Variants in CCDC126 observed in about 807,000 individuals in gnomAD.
CCDC126 encodes coiled-coil domain containing 126.
Under a neutral mutation model 11.7 loss-of-function variants are expected in CCDC126, and 5 were observed. The ratio of observed to expected loss-of-function variants is 0.43; its 90% CI spans 0.22 to 0.90. The LOEUF is 0.90. Ranked by LOEUF, CCDC126 falls within the 40% of genes least tolerant of loss-of-function variation. The pLI is 0.27. For missense variants in CCDC126, 150 were observed against 163.1 expected (o/e 0.92, Z 0.44); for synonymous variants, 60 against 61.9 (o/e 0.97, Z 0.14).
intron 3 of CCDC126, among the ~76,000 whole-genome samples, chr7:23,613,551 A>T (rs1472794284): frequency 1.3e-5 from 2 of 152,166 alleles, no homozygotes; most frequent in Admixed American, 6.5e-5. Flanking sequence ...ACTTCTCATT[A>T]AGCAAGGTGA....
chr7:23,642,074 C>A (rs1283094804), intron 3 of CCDC126, among the ~76,000 whole-genome samples: 2 of 152,164 alleles, frequency 1.3e-5, no homozygotes, highest in African/African-American at 4.8e-5. Context: ...TGCAGTGGCG[C>A]TATCTCTGCT....
At chr7:23,613,849 C>T (rs1782755031) in intron 3 of CCDC126, among the ~76,000 whole-genome samples, 1 of 152,182 alleles carries the variant, frequency 6.6e-6, no homozygotes. Flanking sequence ...GTTAAGTTTA[C>T]ACTATACTGT....
At chr7:23,599,743 G>A (rs1782500045) in intron 2 of CCDC126, among the ~76,000 whole-genome samples, 1 of 151,970 alleles carries the variant, frequency 6.6e-6, no homozygotes, top group East Asian at 1.9e-4. Context: ...ATAGGTGTGA[G>A]CCCTGGAGCC....
intron 3 of CCDC126, among the ~76,000 whole-genome samples, chr7:23,627,559 CTCTG>C (rs1171345211): frequency 6.7e-6 from 1 of 149,552 alleles, no homozygotes; most frequent in Non-Finnish European, 1.5e-5. Context: ...GAGAGTGAGA[CTCTG>C]TCTCAGAAAA....
chr7:23,606,846 GGATCACGTGAGGCCAGGT>G (rs1782630881), intron 2 of CCDC126, among the ~76,000 whole-genome samples: 1 of 152,064 alleles, frequency 6.6e-6, no homozygotes, highest in South Asian at 2.1e-4. Flanking sequence ...TGAGGCAGGA[GGATCACGTGAGGCCAGGT>G]GATCACGTGA....
chr7:23,640,279 C>T (rs1020338461), intron 3 of CCDC126, among the ~76,000 whole-genome samples: 1 of 151,840 alleles, frequency 6.6e-6, no homozygotes, highest in African/African-American at 2.4e-5. Context: ...AGGCAGATCA[C>T]CTGAGATCGG....
At chr7:23,625,927 G>A (rs2128019229) in intron 3 of CCDC126, among the ~76,000 whole-genome samples, 1 of 151,872 alleles carries the variant, frequency 6.6e-6, no homozygotes, top group South Asian at 2.1e-4. Flanking sequence ...AAAGTGCTGG[G>A]GTTACAGGCT....
chr7:23,613,158 A>G (rs537101080), intron 3 of CCDC126, among the ~76,000 whole-genome samples: 8 of 152,262 alleles, frequency 5.3e-5, no homozygotes, highest in Non-Finnish European at 7.4e-5. Flanking sequence ...AGAAAATACA[A>G]AAGTTAGTGG....
Position 23,644,442 on chromosome 7 carries a change from A to C in CCDC126, c.*1327A>C, listed in dbSNP as rs953076528. 5.2e-5 allele frequency: 8 copies of C among 152,522 alleles called. No individual in the cohort carries two copies. Among genetic ancestry groups the C allele is most frequent in the African/African-American group, 1.9e-4 (8 of 41,458 alleles). The allele number at this position is 152,522 out of a possible 1,614,324, so 9.4% of individuals were successfully genotyped here. A position where few individuals can be genotyped will look rare whatever the true frequency, so the allele number is the denominator to read the frequency against. On this transcript the variant is annotated 3_prime_UTR_variant, in exon 4 of 4. Coordinates refer to ENST00000307471, the MANE Select transcript of CCDC126 (RefSeq NM_138771.4). ...AGACTATATAGAATTTAGATATTGT[A>C]TTGTTCGTCATTATAATATGCTACC...
rs201728451 is a variant in CCDC126, at chr7:23,643,809, TA to T, written c.*698del. 5.2e-3 allele frequency: 786 copies of T among 152,328 alleles called. 13 individuals carry two copies. The highest frequency in any genetic ancestry group is 0.018 in the African/African-American group (739 of 41,568). The allele number at this position is 152,328 out of a possible 1,614,324, so 9.4% of individuals were successfully genotyped here. A position where few individuals can be genotyped will look rare whatever the true frequency, so the allele number is the denominator to read the frequency against. ...CATTGGGGCAATTTAATAACAGCAT[TA>T]AAATAGTTGTAAACTCTAATCTTAT... On this transcript the variant is annotated 3_prime_UTR_variant, in exon 4 of 4. Transcript: ENST00000307471.
chr7:23,621,134 A>G (rs1782888736), intron 3 of CCDC126, among the ~76,000 whole-genome samples: 1 of 152,202 alleles, frequency 6.6e-6, no homozygotes, highest in South Asian at 2.1e-4. Context: ...TGGTAGCTTG[A>G]TGGGGATGGC....
intron 3 of CCDC126, among the ~76,000 whole-genome samples, chr7:23,613,907 TA>T (rs1782756173): frequency 6.6e-6 from 1 of 152,178 alleles, no homozygotes; most frequent in Non-Finnish European, 1.5e-5. Context: ...ACAATGTACA[TA>T]CCTTAATTGA....
intron 3 of CCDC126, among the ~76,000 whole-genome samples, chr7:23,638,863 C>CAAAAAAAAAAAAAAAAA (rs61374394): frequency 3.7e-5 from 4 of 108,574 alleles, no homozygotes; most frequent in Non-Finnish European, 5.5e-5. Context: ...AATAAATTAA[C>CAAAAAAAAAAAAAAAAA]AAAAAAAAAA....
rs780706781 is a variant in CCDC126, at chr7:23,644,260, G to A, written c.*1145G>A. On this transcript the variant is annotated 3_prime_UTR_variant, in exon 4 of 4. Coordinates refer to ENST00000307471, the MANE Select transcript of CCDC126 (RefSeq NM_138771.4). ...CTTTTCAGGAAAAAAGCTGTATATA[G>A]CACAGGGAACCCTAATCTTGGGTAA... 5.9e-5 allele frequency: 9 copies of A among 152,344 alleles called. No homozygotes were observed. Among genetic ancestry groups the A allele is most frequent in the Non-Finnish European group, 8.8e-5 (6 of 67,894 alleles). 9.4% of individuals were successfully genotyped at this position (152,344 alleles called of 1,614,324 possible).
In CCDC126 at chr7:23,611,252, T is replaced by G; in HGVS notation, c.-64T>G. 1.0e-6 allele frequency: 1 copy of G among 970,050 alleles called. No individual in the cohort carries two copies. Among genetic ancestry groups the G allele is most frequent in the South Asian group, 1.4e-5 (1 of 71,452 alleles). The allele number at this position is 970,050 out of a possible 1,614,324, so 60.1% of individuals were successfully genotyped here. ...ATTTTTTTCTTTTTTTTTTCAAGTC[T>G]TGATTTGTGGCTTACCTCAAGTTAC... On this transcript the variant is annotated 5_prime_UTR_variant, in exon 3 of 4. Transcript: ENST00000307471.
At chr7:23,598,540 C>T (rs1782470002) in intron 2 of CCDC126, 2 of 152,352 alleles carry the variant, frequency 1.3e-5, no homozygotes, top group East Asian at 1.9e-4. Flanking sequence ...CACCTCTCCC[C>T]TCCCCCTCAG....
At position 23,643,196 on chromosome 7, in the gene CCDC126, G is replaced by C; in HGVS notation, c.*81G>C. The C allele has an allele frequency of 8.1e-7, 1 of 1,227,786 alleles. No homozygotes were observed. The highest frequency in any genetic ancestry group is 2.5e-5 in the East Asian group (1 of 39,532). The allele number at this position is 1,227,786 out of a possible 1,614,324, so 76.1% of individuals were successfully genotyped here. ...AAAAGCTTTATAATTGCTGGCTTAG[G>C]ACAGAGCAATACTTTACAATAAAAG... On this transcript the variant is annotated 3_prime_UTR_variant, in exon 4 of 4. Coordinates refer to ENST00000307471, the MANE Select transcript of CCDC126 (RefSeq NM_138771.4).
At chr7:23,615,931 A>T (rs1782788490) in intron 3 of CCDC126, among the ~76,000 whole-genome samples, 1 of 152,228 alleles carries the variant, frequency 6.6e-6, no homozygotes, top group Non-Finnish European at 1.5e-5. Flanking sequence ...GAATTACCCA[A>T]ATGTGACAGA....
chr7:23,611,202 A>G lies in CCDC126; in HGVS notation c.-114A>G. 1.5e-6 allele frequency: 1 copy of G among 687,380 alleles called. No individual in the cohort carries two copies. Among genetic ancestry groups the G allele is most frequent in the Non-Finnish European group, 2.6e-6 (1 of 391,060 alleles). The allele number at this position is 687,380 out of a possible 1,614,324, so 42.6% of individuals were successfully genotyped here. ...TAGAGTGGATACAACCTTGCTGAAG[A>G]TGAAGAATATACAATATTGAGGATA... On this transcript the variant is annotated 5_prime_UTR_variant, in exon 3 of 4. An upstream start codon of the reference 5' UTR is lost. Coordinates refer to ENST00000307471, the MANE Select transcript of CCDC126 (RefSeq NM_138771.4).
Sources: allele counts gnomAD v4.1 joint callset (sites outside exome capture counted in the v4.1 genomes callset), GRCh38; gene constraint gnomAD v4.1.1; transcripts MANE v1.5; gene names NCBI Gene and HGNC (gene_info 2026-07-23, HGNC 2026-07-21).